PRKN: variants seen among roughly 807,000 people sequenced by gnomAD.
PRKN encodes parkin RBR E3 ubiquitin protein ligase, also known as E3 ubiquitin-protein ligase parkin.
A neutral mutation model predicts 59.5 loss-of-function variants in PRKN; 56 were observed. The observed-to-expected ratio is 0.94, with a 90% confidence interval of 0.76 to 1.18. PRKN has a LOEUF of 1.18. Among genes scored for constraint, PRKN ranks in the 50% most tolerant of loss-of-function variants. The pLI, the probability that PRKN is intolerant of heterozygous loss-of-function variation, is 0.00. For synonymous variants in PRKN, 250 were observed against 222.1 expected, an observed-to-expected ratio of 1.13 and a Z score of -1.12; for missense variants, 657 against 596.4, an observed-to-expected ratio of 1.10 and a Z score of -1.06.
At chr6:162,503,136 CTTTTTTT>C (rs10629175) in intron 1 of PRKN, among the ~76,000 whole-genome samples, 4 of 81,118 alleles carry the variant, frequency 4.9e-5, no homozygotes, top group East Asian at 6.6e-4. Flanking sequence ...GTCTTCATTT[CTTTTTTT>C]TTTTTTTTTT....
chr6:162,699,521 TA>T (rs1255369417), intron 1 of PRKN, among the ~76,000 whole-genome samples: 2 of 152,220 alleles, frequency 1.3e-5, no homozygotes, highest in Non-Finnish European at 2.9e-5. Flanking sequence ...ATGTGAGATA[TA>T]ATCAAGAATA....
rs116815506 is a variant in PRKN, at chr6:161,875,856, C to T, written c.735-89948G>A. ...CTATGATCCTCCCCTCACTGGCATC[C>T]CACTCATAAGTACTGGGGCCATGCA... is the stretch of plus-strand genomic sequence containing the variant. On this transcript the variant is annotated intron_variant, in intron 6 of 11. Coordinates refer to ENST00000366898, the MANE Select transcript of PRKN (RefSeq NM_004562.3). Among the ~76,000 whole-genome samples, 1,446 of 152,122 alleles carry T rather than the reference C, an allele frequency of 9.5e-3. 23 individuals carry two copies. The highest frequency in any genetic ancestry group is 0.032 in the African/African-American group (1,349 of 41,512).
At chr6:162,694,957 A>G (rs780990201) in intron 1 of PRKN, 4 of 152,198 alleles carry the variant, frequency 2.6e-5, no homozygotes, top group South Asian at 4.1e-4. Context: ...GTTCTAGTCG[A>G]CTTTGTCAGT....
intron 2 of PRKN, among the ~76,000 whole-genome samples, chr6:162,356,535 AT>A (rs11432043): frequency 3.3e-4 from 50 of 150,326 alleles, no homozygotes; most frequent in African/African-American, 8.0e-4. Flanking sequence ...TATATAATAC[AT>A]TTTTTTTTGC....
intron 2 of PRKN, among the ~76,000 whole-genome samples, chr6:162,334,930 A>C (rs1783765048): frequency 6.6e-6 from 1 of 152,190 alleles, no homozygotes; most frequent in African/African-American, 2.4e-5. Context: ...CAAGAGAACA[A>C]GAACTAGAAG....
intron 6 of PRKN, among the ~76,000 whole-genome samples, chr6:161,819,250 G>C (rs1035220266): frequency 6.6e-6 from 1 of 152,140 alleles, no homozygotes; most frequent in African/African-American, 2.4e-5. Context: ...GTAATACTTT[G>C]GGAGGCTAAG....
At chr6:162,235,937 G>A (rs1778648519) in intron 3 of PRKN, among the ~76,000 whole-genome samples, 2 of 82,012 alleles carry the variant, frequency 2.4e-5, no homozygotes, top group East Asian at 7.4e-4. Context: ...AAGGAAGGAA[G>A]GAAGGAAGGA....
At chr6:162,317,995 C>A (rs1192698081) in intron 2 of PRKN, among the ~76,000 whole-genome samples, 4 of 151,960 alleles carry the variant, frequency 2.6e-5, no homozygotes, top group Non-Finnish European at 5.9e-5. Context: ...TGTTGTCCAA[C>A]CAACACCACC....
At position 161,521,817 on chromosome 6, in the gene PRKN, G is replaced by T. The variant is rs145866165; in HGVS notation, c.1083+27037C>A. ...GTGAGAGCTGAGGTGAACATTTCTT[G>T]CTCATTAGGCCTCTTCCAGACAAGC... On this transcript the variant is annotated intron_variant, in intron 9 of 11. Transcript: ENST00000366898. 6.6e-3 allele frequency among the ~76,000 whole-genome samples: 1,005 copies of T among 152,244 alleles called. 7 individuals are homozygous for T. The highest frequency in any genetic ancestry group is 0.027 in the Middle Eastern group (8 of 294).
At chr6:161,877,107 C>T (rs1794758985) in intron 6 of PRKN, among the ~76,000 whole-genome samples, 1 of 152,146 alleles carries the variant, frequency 6.6e-6, no homozygotes, top group African/African-American at 2.4e-5. Flanking sequence ...CCCGACCTTC[C>T]CTCTTGCACA....
intron 2 of PRKN, among the ~76,000 whole-genome samples, chr6:162,340,855 A>G (rs180715086): frequency 1.8e-4 from 27 of 152,336 alleles, no homozygotes; most frequent in Admixed American, 5.2e-4. Flanking sequence ...GGACATAAGC[A>G]TCGGCAAAGA....
chr6:161,874,756 T>C lies in PRKN; in HGVS notation c.735-88848A>G, dbSNP rs1342578854. On this transcript the variant is annotated intron_variant, in intron 6 of 11. Coordinates refer to ENST00000366898, the MANE Select transcript of PRKN (RefSeq NM_004562.3). ...TGTACTATATATAAAATATATAATA[T>C]ATATAAAATATATAATATATAAAAT... is the stretch of plus-strand genomic sequence containing the variant. 9.1e-5 allele frequency among the ~76,000 whole-genome samples: 11 copies of C among 121,024 alleles called. 1 individual carries two copies. The highest frequency in any genetic ancestry group is 3.7e-4 in the Admixed American group (4 of 10,820). The allele number at this position is 121,024 out of a possible 152,430, so 79.4% of individuals were successfully genotyped here. A position where few individuals can be genotyped will look rare whatever the true frequency, so the allele number is the denominator to read the frequency against.
intron 6 of PRKN, among the ~76,000 whole-genome samples, chr6:161,831,135 T>A (rs970264375): frequency 6.6e-6 from 1 of 152,238 alleles, no homozygotes; most frequent in Admixed American, 6.5e-5. Flanking sequence ...TGAACTCACA[T>A]ACTCAGCCTC....
Position 161,355,485 on chromosome 6 carries a change from T to C in PRKN, c.1285+4603A>G, listed in dbSNP as rs1041980007. 6.6e-6 allele frequency among the ~76,000 whole-genome samples: 1 copy of C among 152,198 alleles called. No homozygotes were observed. The highest frequency in any genetic ancestry group is 1.5e-5 in the Non-Finnish European group (1 of 68,026). ...GGTGCAATCTTGGCTCACTGCAACC[T>C]CCACCTCCTGGGTTCAACCAATTCT... On this transcript the variant is annotated intron_variant, in intron 11 of 11. Coordinates refer to ENST00000366898, the MANE Select transcript of PRKN (RefSeq NM_004562.3). The surrounding 1 kb of genome is among the most constrained non-coding windows in gnomAD (Gnocchi z 6.8).
intron 2 of PRKN, among the ~76,000 whole-genome samples, chr6:162,322,972 T>C (rs4334959): frequency 0.62 from 92,442 of 149,924 alleles, 28,807 homozygotes; most frequent in Middle Eastern, 0.69. Flanking sequence ...ATCACAAGAA[T>C]GAAAAACCAA....
At chr6:161,756,184 G>A (rs1788909294) in intron 7 of PRKN, among the ~76,000 whole-genome samples, 3 of 152,222 alleles carry the variant, frequency 2.0e-5, no homozygotes, top group African/African-American at 4.8e-5. Flanking sequence ...GCTCATGCCT[G>A]TAACTCCAGC....
intron 9 of PRKN, among the ~76,000 whole-genome samples, chr6:161,541,990 T>C (rs1265045800): frequency 6.6e-6 from 1 of 152,186 alleles, no homozygotes; most frequent in Non-Finnish European, 1.5e-5. Flanking sequence ...TCCACTTGTA[T>C]GTAGATTTTC....
intron 2 of PRKN, among the ~76,000 whole-genome samples, chr6:162,263,887 C>A (rs561421906): frequency 6.7e-6 from 1 of 150,276 alleles, no homozygotes; most frequent in Non-Finnish European, 1.5e-5. Context: ...GCCACCCCCA[C>A]CCCCCCAACC....
At chr6:161,984,150 G>A (rs897049314) in intron 5 of PRKN, among the ~76,000 whole-genome samples, 8 of 152,076 alleles carry the variant, frequency 5.3e-5, no homozygotes, top group African/African-American at 1.9e-4. Flanking sequence ...GAACCAAGCC[G>A]GTGCTCAGAA....
Sources: allele counts gnomAD v4.1 joint callset (sites outside exome capture counted in the v4.1 genomes callset), GRCh38; gene constraint gnomAD v4.1.1; non-coding constraint Gnocchi (gnomAD v3.1); transcripts MANE v1.5; gene names NCBI Gene and HGNC (gene_info 2026-07-23, HGNC 2026-07-21).